SLC25A13: variants seen among roughly 807,000 people sequenced by gnomAD.
The protein encoded by SLC25A13 is solute carrier family 25 member 13, also known as electrogenic aspartate/glutamate antiporter SLC25A13, mitochondrial.
A neutral mutation model predicts 85.5 loss-of-function variants in SLC25A13; 70 were observed. That is an observed-to-expected ratio of 0.82 (90% CI 0.68 to 1.00). The LOEUF (loss-of-function observed/expected upper bound fraction) is 1.00, where lower values mean the gene tolerates loss of function less well. SLC25A13 is among the 50% of genes least tolerant of loss of function. SLC25A13 has a pLI of 0.00. For missense variants in SLC25A13, 765 were observed against 819.8 expected (o/e 0.93, Z 0.82); for synonymous variants, 259 against 288.7 (o/e 0.90, Z 1.04).
At chr7:96,168,135 T>C (rs1354470081) in intron 13 of SLC25A13, among the ~76,000 whole-genome samples, 2 of 92,058 alleles carry the variant, frequency 2.2e-5, no homozygotes, top group Admixed American at 1.4e-4. Flanking sequence ...AAAAAGCACG[T>C]GTGCACACAC....
chr7:96,123,236 G>A (rs909722196), intron 15 of SLC25A13, among the ~76,000 whole-genome samples: 3 of 152,078 alleles, frequency 2.0e-5, no homozygotes, highest in Non-Finnish European at 4.4e-5. Context: ...TTCATTTGTA[G>A]GAATTATTTT....
chr7:96,251,849 T>G (rs192317184), intron 3 of SLC25A13, among the ~76,000 whole-genome samples: 1 of 152,350 alleles, frequency 6.6e-6, no homozygotes, highest in Non-Finnish European at 1.5e-5. Context: ...GCAGTTGGTG[T>G]AGCACCATCT....
chr7:96,205,999 T>C (rs1456793381), intron 5 of SLC25A13, among the ~76,000 whole-genome samples: 2 of 151,202 alleles, frequency 1.3e-5, no homozygotes, highest in Non-Finnish European at 2.9e-5. Context: ...ATCACACACA[T>C]GTATATACAT....
rs575375923 is a variant in SLC25A13 at position 96,120,569 on chromosome 7, G to C, written c.*622C>G. On this transcript the variant is annotated 3_prime_UTR_variant, in exon 18 of 18. Transcript: ENST00000265631. ...CAAAAGTACTTCCCTAAAGTACAAA[G>C]GCATTTCCCTAGTAGTCTTGGTACC... 3 of 454,448 alleles carry C rather than the reference G, an allele frequency of 6.6e-6. No individual in the cohort carries two copies. The Admixed American group carries it at 7.0e-5, about 11-fold the overall frequency. The allele number at this position is 454,448 out of a possible 1,614,324, so 28.2% of individuals were successfully genotyped here.
At chr7:96,263,304 C>T (rs1432360541) in intron 3 of SLC25A13, among the ~76,000 whole-genome samples, 2 of 152,162 alleles carry the variant, frequency 1.3e-5, no homozygotes, top group African/African-American at 2.4e-5. Context: ...TATTCTGTCA[C>T]CATCTCCCAG....
rs533792150 is a variant in SLC25A13, at chr7:96,225,430, A to G, written c.328+9372T>C. 7.1e-3 allele frequency among the ~76,000 whole-genome samples: 1,075 copies of G among 152,262 alleles called. 4 individuals are homozygous for G. The highest frequency in any genetic ancestry group is 9.9e-3 in the Non-Finnish European group (675 of 68,022). ...ACATGGTAGCGCCACCTGTAGTCCCAGCTACTCAGGACGCTAAGGTGGAAG... is the reference window on the plus strand; with the variant it reads ...ACATGGTAGCGCCACCTGTAGTCCCGGCTACTCAGGACGCTAAGGTGGAAG... On this transcript the variant is annotated intron_variant, in intron 4 of 17. Coordinates refer to ENST00000265631, the MANE Select transcript of SLC25A13 (RefSeq NM_014251.3).
intron 5 of SLC25A13, among the ~76,000 whole-genome samples, chr7:96,204,471 T>C (rs1795382616): frequency 6.6e-6 from 1 of 151,850 alleles, no homozygotes; most frequent in Non-Finnish European, 1.5e-5. Flanking sequence ...GCCCTGGCAT[T>C]CAAAGTTGTA....
chr7:96,145,960 GT>G (rs1216021931), intron 14 of SLC25A13, among the ~76,000 whole-genome samples: 5 of 152,054 alleles, frequency 3.3e-5, no homozygotes, highest in Non-Finnish European at 7.4e-5. Flanking sequence ...TTGAAAACTT[GT>G]GTATACATTA....
At chr7:96,255,525 A>C (rs2116878671) in intron 3 of SLC25A13, among the ~76,000 whole-genome samples, 1 of 152,234 alleles carries the variant, frequency 6.6e-6, no homozygotes, top group African/African-American at 2.4e-5. Flanking sequence ...ATCTTTACAA[A>C]AAATTTAAAA....
intron 2 of SLC25A13, among the ~76,000 whole-genome samples, chr7:96,280,154 A>G (rs1263660648): frequency 6.6e-6 from 1 of 152,136 alleles, no homozygotes; most frequent in African/African-American, 2.4e-5. Context: ...TACATGCTAT[A>G]ACTAGAGGGA....
intron 11 of SLC25A13, among the ~76,000 whole-genome samples, chr7:96,171,880 G>A (rs1020441880): frequency 6.6e-6 from 1 of 152,156 alleles, no homozygotes; most frequent in East Asian, 1.9e-4. Flanking sequence ...GGGGAAGGCA[G>A]TTAGAACATT....
Position 96,128,171 on chromosome 7 carries a change from C to T in SLC25A13, c.1591+3572G>A, listed in dbSNP as rs1476979223. ...TTTATGTTTATTTTATAACAAAATG[C>T]ATTACTAATCTTTTTTCCTAATTCT... is the stretch of plus-strand genomic sequence containing the variant. On this transcript the variant is annotated intron_variant, in intron 15 of 17. Transcript: ENST00000265631. 4.6e-5 allele frequency among the ~76,000 whole-genome samples: 7 copies of T among 152,288 alleles called. No homozygotes were observed. In the East Asian group the frequency reaches 9.6e-4, roughly 21 times the overall value.
In SLC25A13 at chr7:96,121,838, C is replaced by G. The variant is rs771583670; in HGVS notation, c.1750+1G>C. On this transcript the variant is annotated splice_donor_variant, in intron 16 of 17. Transcript: ENST00000265631. LOFTEE classifies it high-confidence loss of function. Reference sequence around the variant, plus strand: ...TAGTTAAGAACACATTATTTCCATACCACCAGCTCCCTTCCACAGAGCTTT... The same window carrying G: ...TAGTTAAGAACACATTATTTCCATAGCACCAGCTCCCTTCCACAGAGCTTT... 2.5e-6 allele frequency: 4 copies of G among 1,614,090 alleles called. No homozygotes were observed. The highest frequency in any genetic ancestry group is 3.4e-6 in the Non-Finnish European group (4 of 1,180,040).
chr7:96,255,132 C>T (rs1395493003), intron 3 of SLC25A13, among the ~76,000 whole-genome samples: 1 of 152,094 alleles, frequency 6.6e-6, no homozygotes, highest in Non-Finnish European at 1.5e-5. Flanking sequence ...GGAACACAGT[C>T]TAAGTACAAC....
intron 3 of SLC25A13, among the ~76,000 whole-genome samples, chr7:96,258,646 A>T (rs772496775): frequency 6.6e-6 from 1 of 152,230 alleles, no homozygotes; most frequent in African/African-American, 2.4e-5. Flanking sequence ...TGACCAAAGT[A>T]ATTTATAGAT....
chr7:96,278,140 T>C (rs765117518), intron 2 of SLC25A13, among the ~76,000 whole-genome samples: 1 of 152,178 alleles, frequency 6.6e-6, no homozygotes, highest in African/African-American at 2.4e-5. Flanking sequence ...TTCTGTTGCA[T>C]GGAGCCCTAA....
chr7:96,275,142 A>G (rs1798400992), intron 3 of SLC25A13, among the ~76,000 whole-genome samples: 1 of 152,154 alleles, frequency 6.6e-6, no homozygotes, highest in Admixed American at 6.5e-5. Flanking sequence ...ATGAGCATGG[A>G]ATGTTCTTCC....
chr7:96,199,895 A>G (rs999613484), intron 5 of SLC25A13, among the ~76,000 whole-genome samples: 1 of 152,020 alleles, frequency 6.6e-6, no homozygotes, highest in Admixed American at 6.6e-5. Context: ...AATAATCTCC[A>G]ATTTTCAGGT....
chr7:96,197,962 A>G (rs1441838669), intron 5 of SLC25A13, among the ~76,000 whole-genome samples: 1 of 152,202 alleles, frequency 6.6e-6, no homozygotes, highest in Non-Finnish European at 1.5e-5. Flanking sequence ...TCTTTAACCT[A>G]TAGAACTATT....
Sources: gnomAD v4.1 joint callset for allele counts (sites outside exome capture counted in the v4.1 genomes callset) on GRCh38, gnomAD v4.1.1 for gene constraint, MANE v1.5 for transcripts, NCBI Gene and HGNC (gene_info 2026-07-23, HGNC 2026-07-21) for gene names.